MMP28: variants seen among roughly 807,000 people sequenced by gnomAD.
The protein encoded by MMP28 is matrix metalloproteinase-28.
Under a neutral mutation model 60.5 loss-of-function variants are expected in MMP28, and 55 were observed. The ratio of observed to expected loss-of-function variants is 0.91; its 90% CI spans 0.73 to 1.14. MMP28 has a LOEUF of 1.14. MMP28 is among the 50% of genes most tolerant of loss of function. The pLI, the probability that MMP28 is intolerant of heterozygous loss-of-function variation, is 0.00. For synonymous variants in MMP28, 318 were observed against 312.5 expected, an observed-to-expected ratio of 1.02 and a Z score of -0.18; for missense variants, 686 against 738.3, an observed-to-expected ratio of 0.93 and a Z score of 0.82.
intron 1 of MMP28, among the ~76,000 whole-genome samples, chr17:35,788,183 G>A (rs1487249012): frequency 6.6e-6 from 1 of 152,110 alleles, no homozygotes; most frequent in Non-Finnish European, 1.5e-5. Context: ...TGGGATTACA[G>A]CCATCATGAG....
chr17:35,787,477 G>GA (rs1190005027), intron 1 of MMP28, among the ~76,000 whole-genome samples: 1 of 151,196 alleles, frequency 6.6e-6, no homozygotes, highest in Non-Finnish European at 1.5e-5. Flanking sequence ...TTGTCCTTCA[G>GA]TTTTTTGTTT....
chr17:35,766,655 G>T lies in MMP28; in HGVS notation c.1408C>A (p.Leu470Met). The T allele has an allele frequency of 6.2e-7, 1 of 1,611,580 alleles. No individual in the cohort carries two copies. ...GGIPEEVSGA[L>M]PRPDGSIIFF... ...ATGATGGAGCCATCGGGCCTCGGCA[G>T]GGCGCCGCTGACCTCCTCAGGGATG... The change falls in exon 8 of 8, where the codon CTG (leucine) becomes ATG (methionine). Residue 470 changes from leucine (L) to methionine (M), a missense_variant. By Grantham distance (15) the Leu-to-Met change is conservative (BLOSUM62 2). Transcript: ENST00000605424. This position sits in a 1 kb window ranked among gnomAD's most constrained non-coding sequence, Gnocchi z 4.3.
intron 3 of MMP28, among the ~76,000 whole-genome samples, chr17:35,774,328 A>G (rs189551838): frequency 2.0e-5 from 3 of 152,118 alleles, no homozygotes; most frequent in Non-Finnish European, 4.4e-5. Context: ...TGTAACCTCA[A>G]GTGGAAGACT....
rs553993966 is a variant in MMP28 at position 35,788,754 on chromosome 17, T to G, written c.111+6513A>C. The stretch of plus-strand genomic sequence containing the variant: ...CTGGGAGTAGCTATACAGATATAGC[T>G]AGACCACCCAGTGGAAGGCAGGTCC... On this transcript the variant is annotated intron_variant, in intron 1 of 7. Coordinates refer to ENST00000605424, the MANE Select transcript of MMP28 (RefSeq NM_024302.5). 2.6e-5 allele frequency among the ~76,000 whole-genome samples: 4 copies of G among 152,188 alleles called. No homozygotes were observed. The East Asian group carries it at 7.7e-4, about 29-fold the overall frequency.
At chr17:35,773,151 T>C (rs1555606309) in intron 4 of MMP28, 29 bp downstream of exon 4, 1 of 1,596,646 alleles carries the variant, frequency 6.3e-7, no homozygotes, top group Non-Finnish European at 8.6e-7. Context: ...CCCCTCCTGC[T>C]GTGCGGGAGG....
At chr17:35,757,931 T>C (rs2085758956) in intron 2 of MMP28, among the ~76,000 whole-genome samples, 1 of 152,218 alleles carries the variant, frequency 6.6e-6, no homozygotes, top group East Asian at 1.9e-4. Flanking sequence ...GGACTATGGG[T>C]TCCCCTCACT....
At chr17:35,791,598 T>A (rs757740802) in intron 1 of MMP28, among the ~76,000 whole-genome samples, 1 of 152,208 alleles carries the variant, frequency 6.6e-6, no homozygotes, top group Non-Finnish European at 1.5e-5. Flanking sequence ...GTGTTTTATG[T>A]TTACTCATTT....
downstream of MMP28, chr17:35,764,556 G>T (rs1555602410): frequency 6.3e-7 from 1 of 1,596,272 alleles, no homozygotes; most frequent in Admixed American, 1.7e-5. Context: ...CCCAGCCTAT[G>T]TGGCGCACTG....
At position 35,790,662 on chromosome 17, in the gene MMP28, G is replaced by GTAA. The variant is rs532420365; in HGVS notation, c.111+4604_111+4605insTTA. ...TAATATGATCCCATTTATATGAAAT[G>GTAA]TCCAGGATATCCAAATATATATACA... is the stretch of plus-strand genomic sequence containing the variant. On this transcript the variant is annotated intron_variant, in intron 1 of 7. Coordinates refer to ENST00000605424, the MANE Select transcript of MMP28 (RefSeq NM_024302.5). Among the ~76,000 whole-genome samples the GTAA allele has an allele frequency of 2.5e-3, 386 of 152,100 alleles. 1 individual carries two copies. The highest frequency in any genetic ancestry group is 3.9e-3 in the Non-Finnish European group (267 of 67,990).
intron 4 of MMP28, among the ~76,000 whole-genome samples, chr17:35,771,345 G>T (rs969949095): frequency 2.0e-5 from 3 of 149,104 alleles, no homozygotes; most frequent in African/African-American, 7.5e-5. Flanking sequence ...GCAGGAGAAT[G>T]GTGTGAACCC....
chr17:35,761,038 TCCAA>T (rs1371394884), downstream of MMP28: 6 of 1,438,926 alleles, frequency 4.2e-6, no homozygotes, highest in Non-Finnish European at 5.6e-6. Flanking sequence ...CACCATGAAG[TCCAA>T]CCTTTTCTCA....
rs752659875 is a variant in MMP28 at position 35,779,081 on chromosome 17, AGGAGGAAAGGACCGCAAGG to A, written c.192-25_192-7del. 1 of 1,613,212 alleles carries A rather than the reference AGGAGGAAAGGACCGCAAGG, an allele frequency of 6.2e-7. No individual in the cohort carries two copies. Among genetic ancestry groups the A allele is most frequent in the South Asian group, 1.1e-5 (1 of 91,004 alleles). On this transcript the variant is annotated splice_region_variant and splice_polypyrimidine_tract_variant and intron_variant, in intron 2 of 7. Transcript: ENST00000605424. ...GGGACACCCACTGAAACGCTCTGTC[AGGAGGAAAGGACCGCAAGG>A]GGAGGGTGAGTGGTAAGGGTGAGGG... is the stretch of plus-strand genomic sequence containing the variant.
chr17:35,770,157 G>C lies in MMP28; in HGVS notation c.760C>G (p.Pro254Ala). 1 of 1,607,284 alleles carries C rather than the reference G, an allele frequency of 6.2e-7. No homozygotes were observed. Among genetic ancestry groups the C allele is most frequent in the South Asian group, 1.1e-5 (1 of 90,470 alleles). Reference protein sequence around the residue: ...HTLGLTHSPAPRALMAPYYKR... With the variant: ...HTLGLTHSPAARALMAPYYKR... The stretch of plus-strand genomic sequence containing the variant: ...TAGTAGGGCGCCATGAGCGCGCGCG[G>C]CGCGGGCGAGTGGGTGAGGCCAAGC... The change falls in exon 5 of 8, where the codon CCG (proline) becomes GCG (alanine). Residue 254 changes from proline (P) to alanine (A), a missense_variant. Pro to Ala is a conservative substitution (Grantham distance 27, BLOSUM62 -1). Transcript: ENST00000605424.
intron 1 of MMP28, among the ~76,000 whole-genome samples, chr17:35,784,084 C>T (rs2086581265): frequency 6.6e-6 from 1 of 152,092 alleles, no homozygotes; most frequent in Non-Finnish European, 1.5e-5. Context: ...AGTTCAAGGC[C>T]AGCCTGGCTA....
chr17:35,772,795 G>C (rs530341854), intron 4 of MMP28, among the ~76,000 whole-genome samples: 1 of 152,136 alleles, frequency 6.6e-6, no homozygotes, highest in Non-Finnish European at 1.5e-5. Context: ...AGTTGGGGGT[G>C]GGGGAGCAGT....
intron 3 of MMP28, among the ~76,000 whole-genome samples, chr17:35,774,484 C>T (rs1555607049): frequency 6.6e-6 from 1 of 152,252 alleles, no homozygotes; most frequent in African/African-American, 2.4e-5. Flanking sequence ...CATTATTCCA[C>T]ATAGACAGGC....
downstream of MMP28, among the ~76,000 whole-genome samples, chr17:35,763,268 CAA>C (rs1199377540): frequency 5.5e-5 from 8 of 146,364 alleles, no homozygotes; most frequent in South Asian, 1.7e-3. Flanking sequence ...GACCCTGTCT[CAA>C]AAAAAAAAAT....
intron 1 of MMP28, among the ~76,000 whole-genome samples, chr17:35,792,312 C>A (rs1358247212): frequency 6.6e-6 from 1 of 152,110 alleles, no homozygotes; most frequent in Non-Finnish European, 1.5e-5. Flanking sequence ...CTCCCCGCTC[C>A]CAACACTCAT....
intron 1 of MMP28, among the ~76,000 whole-genome samples, chr17:35,784,700 G>C (rs973485924): frequency 5.3e-5 from 8 of 152,144 alleles, no homozygotes; most frequent in African/African-American, 1.9e-4. Context: ...TCTTACCCCA[G>C]CTTGACCACA....
Sources: allele counts gnomAD v4.1 joint callset (sites outside exome capture counted in the v4.1 genomes callset), GRCh38; gene constraint gnomAD v4.1.1; non-coding constraint Gnocchi (gnomAD v3.1); transcripts MANE v1.5; gene names NCBI Gene and HGNC (gene_info 2026-07-23, HGNC 2026-07-21).